PGM1: variants seen among roughly 807,000 people sequenced by gnomAD.
PGM1 encodes phosphoglucomutase-1.
Under a neutral mutation model 55.6 loss-of-function variants are expected in PGM1, and 52 were observed. The ratio of observed to expected loss-of-function variants is 0.94; its 90% confidence interval spans 0.75 to 1.18. PGM1 has a LOEUF of 1.18. Ranked by LOEUF, PGM1 falls within the 50% of genes most tolerant of loss-of-function variation. PGM1 has a pLI of 0.00. For synonymous variants in PGM1, 287 were observed against 271.7 expected (o/e 1.06, Z -0.55); for missense variants, 724 against 729.3 (o/e 0.99, Z 0.08).
Position 63,651,585 on chromosome 1 carries a change from C to A in PGM1, c.1281-84C>A, listed in dbSNP as rs1213555336. 8 of 1,339,124 alleles carry A rather than the reference C, an allele frequency of 6.0e-6. No individual in the cohort carries two copies. In the Admixed American group the frequency reaches 9.5e-5, roughly 16 times the overall value. 83.0% of individuals were successfully genotyped at this position (1,339,124 alleles called of 1,614,324 possible). A position where few individuals can be genotyped will look rare whatever the true frequency, so the allele number is the denominator to read the frequency against. On this transcript the variant is annotated intron_variant, in intron 8 of 10. Transcript: ENST00000371084. ...TAGATAGTTTTGCGGGAGGGCCAAA[C>A]AAATGATGAAGAAAGTGCTGACTGA...
intron 1 of PGM1, 54 bp from the exon 2 acceptor site, chr1:63,629,371 G>A (rs855313): frequency 3.4e-6 from 5 of 1,472,876 alleles, no homozygotes; most frequent in East Asian, 2.3e-5. Context: ...GTTTCTGAGC[G>A]GTGACTCTGG....
chr1:63,603,302 A>G (rs910710021), intron 1 of PGM1, among the ~76,000 whole-genome samples: 4 of 152,248 alleles, frequency 2.6e-5, no homozygotes, highest in African/African-American at 9.6e-5. Flanking sequence ...GCCATGTTCC[A>G]AATACCAGGT....
At chr1:63,594,154 C>T (rs1324088654) in intron 1 of PGM1, 13 of 989,820 alleles carry the variant, frequency 1.3e-5, no homozygotes, top group Non-Finnish European at 1.6e-5. Flanking sequence ...GGTTAGACTG[C>T]CGCCGCCTCG....
At chr1:63,630,710 A>G (rs1303242790) in intron 3 of PGM1, among the ~76,000 whole-genome samples, 1 of 152,224 alleles carries the variant, frequency 6.6e-6, no homozygotes, top group East Asian at 1.9e-4. Flanking sequence ...GAATTATTGT[A>G]ATAATTGACA....
intron 7 of PGM1, among the ~76,000 whole-genome samples, chr1:63,643,866 G>T (rs1004361402): frequency 2.6e-5 from 4 of 152,216 alleles, no homozygotes; most frequent in Admixed American, 2.0e-4. Flanking sequence ...CAGGCTAGTA[G>T]GTGTATGTGG....
chr1:63,629,850 G>A, intron 2 of PGM1, 92 bp from the exon 3 acceptor site: 2 of 1,379,992 alleles, frequency 1.4e-6, no homozygotes, highest in Admixed American at 3.3e-5. Context: ...AATGGTAGAT[G>A]TGCTAGTGAA....
At chr1:63,603,617 A>G (rs1648303145) in intron 1 of PGM1, among the ~76,000 whole-genome samples, 1 of 152,212 alleles carries the variant, frequency 6.6e-6, no homozygotes, top group Admixed American at 6.5e-5. Context: ...ACTATCATCT[A>G]GTTAATAGAG....
chr1:63,603,625 G>T (rs1261103434), intron 1 of PGM1, among the ~76,000 whole-genome samples: 1 of 152,212 alleles, frequency 6.6e-6, no homozygotes, highest in Non-Finnish European at 1.5e-5. Flanking sequence ...CTAGTTAATA[G>T]AGGAAATTGC....
chr1:63,659,036 AC>A (rs1430361825), intron 10 of PGM1, among the ~76,000 whole-genome samples: 1 of 151,874 alleles, frequency 6.6e-6, no homozygotes, highest in Admixed American at 6.6e-5. Flanking sequence ...GAAAAGACCC[AC>A]CCCCATGATT....
chr1:63,629,400 G>T, intron 1 of PGM1, 25 bp from the exon 2 acceptor site: 1 of 1,608,104 alleles, frequency 6.2e-7, no homozygotes, highest in Non-Finnish European at 8.5e-7. Flanking sequence ...ATGTTAAAGA[G>T]TGTGTTCTGG....
rs766700529 is a variant in PGM1, at chr1:63,659,727, A to G, written c.*52A>G. The G allele has an allele frequency of 1.5e-6, 2 of 1,340,472 alleles. No individual in the cohort carries two copies. The highest frequency in any genetic ancestry group is 1.2e-5 in the South Asian group (1 of 85,474). 83.0% of individuals were successfully genotyped at this position (1,340,472 alleles called of 1,614,324 possible). ...CTCCACCCCCGGACCCATCCAAGTC[A>G]TCTGATTGAAGAGCATGACAGAAAC... On this transcript the variant is annotated 3_prime_UTR_variant, in exon 11 of 11. Coordinates refer to ENST00000371084, the MANE Select transcript of PGM1 (RefSeq NM_002633.3).
At position 63,632,707 on chromosome 1, in the gene PGM1, A is replaced by G. The variant is rs148677621; in HGVS notation, c.682+925A>G. On this transcript the variant is annotated intron_variant, in intron 4 of 10. Transcript: ENST00000371084. ...AGAATGTGCAATGTTTGGGGAGACG[A>G]AGTGGGTAAAAAACTAACCCCGGGG... Among the ~76,000 whole-genome samples, 149 of 152,306 alleles carry G rather than the reference A, an allele frequency of 9.8e-4. 1 individual carries two copies. Among genetic ancestry groups the G allele is most frequent in the African/African-American group, 3.5e-3 (145 of 41,568 alleles).
At chr1:63,623,825 T>C in intron 1 of PGM1, 1 of 1,110,488 alleles carries the variant, frequency 9.0e-7, no homozygotes, top group South Asian at 1.5e-5. Context: ...TACAGAAGTA[T>C]ACAAACGTAC....
Position 63,633,926 on chromosome 1 carries a change from ATATATATTTT to A in PGM1, c.683-901_683-892del, listed in dbSNP as rs1649281222. 4.6e-4 allele frequency among the ~76,000 whole-genome samples: 30 copies of A among 64,790 alleles called. 1 individual carries two copies. Among genetic ancestry groups the A allele is most frequent in the African/African-American group, 2.4e-3 (25 of 10,404 alleles). The allele number at this position is 64,790 out of a possible 152,430, so 42.5% of individuals were successfully genotyped here. A position where few individuals can be genotyped will look rare whatever the true frequency, so the allele number is the denominator to read the frequency against. ...TGTGTGTGTGTGTGTGTGTATATAT[ATATATATTTT>A]TTTTTTTTTTTTTTTTTTTTTTTTT... is the stretch of plus-strand genomic sequence containing the variant. On this transcript the variant is annotated intron_variant, in intron 4 of 10. Transcript: ENST00000371084.
chr1:63,607,376 G>A (rs1283293787), intron 1 of PGM1, among the ~76,000 whole-genome samples: 1 of 152,170 alleles, frequency 6.6e-6, no homozygotes, highest in East Asian at 1.9e-4. Context: ...CATTCGCAAG[G>A]AGCTGCCAGT....
At chr1:63,593,945 A>T in intron 1 of PGM1, 1 of 1,217,088 alleles carries the variant, frequency 8.2e-7, no homozygotes, top group South Asian at 3.1e-5. Flanking sequence ...GGGACCCGGC[A>T]GACCTGCTCG....
At chr1:63,594,504 G>A (rs1045495632) in intron 1 of PGM1, among the ~76,000 whole-genome samples, 1 of 151,978 alleles carries the variant, frequency 6.6e-6, no homozygotes, top group Non-Finnish European at 1.5e-5. Context: ...ACGCCCTTAC[G>A]CAAGCAAGCA....
chr1:63,629,564 T>C lies in PGM1; in HGVS notation c.386T>C (p.Ile129Thr), dbSNP rs370525771. ...GGGGGCCCCAATGGAGATTTTGGAA[T>C]CAAATTCAATATTTCTAATGGAGGT... is the stretch of plus-strand genomic sequence containing the variant. Reference protein sequence around the residue: ...NPGGPNGDFGIKFNISNGGPA... With the variant: ...NPGGPNGDFGTKFNISNGGPA... Residue 129 changes from isoleucine to threonine, a missense_variant, in exon 2 of 11, where the codon ATC becomes ACC. Physicochemically the swap from Ile to Thr is moderately conservative, Grantham distance 89 (BLOSUM62 -1). This residue lies in a region of PGM1 where 379 missense variants were observed against 357.5 expected (regional missense o/e 1.06). Coordinates refer to ENST00000371084, the MANE Select transcript of PGM1 (RefSeq NM_002633.3). 6.2e-7 allele frequency: 1 copy of C among 1,613,824 alleles called. No homozygotes were observed. The highest frequency in any genetic ancestry group is 1.3e-5 in the African/African-American group (1 of 74,910).
chr1:63,604,860 CT>C (rs1435227360), intron 1 of PGM1, among the ~76,000 whole-genome samples: 2 of 151,938 alleles, frequency 1.3e-5, no homozygotes, highest in African/African-American at 4.8e-5. Context: ...ATCAGGCCCC[CT>C]GTCCCCACTA....
Sources: allele counts gnomAD v4.1 joint callset (sites outside exome capture counted in the v4.1 genomes callset), GRCh38; gene constraint gnomAD v4.1.1; regional missense constraint gnomAD v4.1.1; transcripts MANE v1.5; gene names NCBI Gene and HGNC (gene_info 2026-07-23, HGNC 2026-07-21).